The following ELOVL6 variants were observed in gnomAD, a reference collection of about 807,000 sequenced individuals.
ELOVL6 encodes the protein ELOVL fatty acid elongase 6, also known as very long chain fatty acid elongase 6.
Under a neutral mutation model 31.7 loss-of-function variants are expected in ELOVL6, and 8 were observed. The observed-to-expected ratio is 0.25, with a 90% CI of 0.15 to 0.45. The LOEUF (loss-of-function observed/expected upper bound fraction) is 0.45. Ranked by LOEUF, ELOVL6 falls within the 20% of genes least tolerant of loss-of-function variation. The pLI is 1.00. For missense variants in ELOVL6, 126 were observed against 326.4 expected, an observed-to-expected ratio of 0.39 and a Z score of 4.73; for synonymous variants, 101 against 117.7, an observed-to-expected ratio of 0.86 and a Z score of 0.92.
intron 3 of ELOVL6, among the ~76,000 whole-genome samples, chr4:110,058,832 G>A (rs1755064846): frequency 6.6e-6 from 1 of 152,098 alleles, no homozygotes; most frequent in Admixed American, 6.5e-5. Flanking sequence ...GTTTGTACCT[G>A]TACAATCTGT....
At chr4:110,107,962 G>C (rs762207804) in intron 1 of ELOVL6, among the ~76,000 whole-genome samples, 5 of 152,094 alleles carry the variant, frequency 3.3e-5, no homozygotes, top group Non-Finnish European at 7.4e-5. Context: ...TCCTGTTCTT[G>C]TGGTAAACTT....
At chr4:110,169,333 G>A (rs757490001) in intron 1 of ELOVL6, among the ~76,000 whole-genome samples, 1 of 151,088 alleles carries the variant, frequency 6.6e-6, no homozygotes, top group Non-Finnish European at 1.5e-5. Context: ...CTACCTCCTG[G>A]GTTCAAGTGA....
At chr4:110,085,553 C>G (rs1012055246) in intron 2 of ELOVL6, among the ~76,000 whole-genome samples, 3 of 152,128 alleles carry the variant, frequency 2.0e-5, no homozygotes, top group Non-Finnish European at 4.4e-5. Flanking sequence ...GTCCCAAAAG[C>G]CTTTAGTTGT....
At chr4:110,106,714 C>T (rs1342903736) in intron 1 of ELOVL6, among the ~76,000 whole-genome samples, 1 of 152,100 alleles carries the variant, frequency 6.6e-6, no homozygotes, top group African/African-American at 2.4e-5. Flanking sequence ...CTTGTGCCAA[C>T]CTCCTATGTC....
chr4:110,064,205 C>T (rs534897268), intron 2 of ELOVL6, among the ~76,000 whole-genome samples: 3 of 152,160 alleles, frequency 2.0e-5, no homozygotes, highest in African/African-American at 4.8e-5. Flanking sequence ...CGTTTCTGCT[C>T]CCTCTGCAAC....
intron 1 of ELOVL6, among the ~76,000 whole-genome samples, chr4:110,131,675 G>A (rs1757673802): frequency 6.6e-6 from 1 of 152,160 alleles, no homozygotes; most frequent in Non-Finnish European, 1.5e-5. Context: ...GGTCCTGTGG[G>A]GGTGAGGAGG....
rs142373406 is a variant in ELOVL6, at chr4:110,121,592, G to A, written c.90-15964C>T. Among the ~76,000 whole-genome samples, 2,794 of 152,138 alleles carry A rather than the reference G, an allele frequency of 0.018. 210 individuals are homozygous for A. The East Asian group carries it at 0.2, about 11-fold the overall frequency. On this transcript the variant is annotated intron_variant, in intron 1 of 3. Coordinates refer to ENST00000302274, the MANE Select transcript of ELOVL6 (RefSeq NM_024090.3). The stretch of plus-strand genomic sequence containing the variant: ...CAGACGCCTGTAGTCCCAGCTACTC[G>A]GGAGGCTGAGGCAGGAGAATGGCGT...
intron 3 of ELOVL6, among the ~76,000 whole-genome samples, chr4:110,057,342 A>C (rs1557803): frequency 6.6e-6 from 1 of 151,474 alleles, no homozygotes; most frequent in Admixed American, 6.6e-5. Flanking sequence ...AAAAAAATTG[A>C]GGGGGAAGTA....
chr4:110,084,378 T>TATATGACATACATG lies in ELOVL6; in HGVS notation c.221+21118_221+21119insCATGTATGTCATAT, dbSNP rs1231605632. On this transcript the variant is annotated intron_variant, in intron 2 of 3. Transcript: ENST00000302274. ...TATATACCGCATATATGATATATGA[T>TATATGACATACATG]ATATATCGCATATATGATATATGAT... Among the ~76,000 whole-genome samples, 10 of 46,668 alleles carry TATATGACATACATG rather than the reference T, an allele frequency of 2.1e-4. 1 individual carries two copies. Among genetic ancestry groups the TATATGACATACATG allele is most frequent in the Admixed American group, 6.6e-4 (2 of 3,050 alleles). 30.6% of individuals were successfully genotyped at this position (46,668 alleles called of 152,430 possible).
chr4:110,144,393 A>C (rs1758049481), intron 1 of ELOVL6, among the ~76,000 whole-genome samples: 1 of 152,248 alleles, frequency 6.6e-6, no homozygotes, highest in Non-Finnish European at 1.5e-5. Flanking sequence ...CCATGCTTAC[A>C]GTATATTCAC....
intron 3 of ELOVL6, among the ~76,000 whole-genome samples, chr4:110,057,129 T>G (rs1029411517): frequency 2.0e-5 from 3 of 152,198 alleles, no homozygotes; most frequent in Non-Finnish European, 4.4e-5. Flanking sequence ...TAGAAAGGAC[T>G]ATGTTTGTTC....
At chr4:110,078,219 T>G (rs1037199841) in intron 2 of ELOVL6, among the ~76,000 whole-genome samples, 5 of 152,000 alleles carry the variant, frequency 3.3e-5, no homozygotes, top group Admixed American at 6.6e-5. Context: ...ACAACATTCA[T>G]ATTCAGGAAA....
intron 2 of ELOVL6, among the ~76,000 whole-genome samples, chr4:110,090,674 A>C (rs1417655179): frequency 7.2e-6 from 1 of 138,738 alleles, no homozygotes; most frequent in Non-Finnish European, 1.5e-5. Context: ...GCATGATCTC[A>C]GCTCACTGAA....
At chr4:110,107,369 T>C (rs1292346203) in intron 1 of ELOVL6, among the ~76,000 whole-genome samples, 2 of 152,192 alleles carry the variant, frequency 1.3e-5, no homozygotes, top group Admixed American at 6.6e-5. Flanking sequence ...TCTTGTCCTA[T>C]CAAATTTTCT....
intron 1 of ELOVL6, among the ~76,000 whole-genome samples, chr4:110,145,604 A>G (rs1021042346): frequency 2.6e-5 from 4 of 152,130 alleles, no homozygotes; most frequent in African/African-American, 9.7e-5. Flanking sequence ...TACCTGGACC[A>G]CTTTTCAGCT....
At chr4:110,080,010 C>G (rs6849861) in intron 2 of ELOVL6, among the ~76,000 whole-genome samples, 84,157 of 151,884 alleles carry the variant, frequency 0.55, 24,580 homozygotes, top group African/African-American at 0.74. Context: ...ATAAATTCCT[C>G]GACACATACA....
chr4:110,092,438 C>T (rs1050492437), intron 2 of ELOVL6, among the ~76,000 whole-genome samples: 13 of 152,128 alleles, frequency 8.5e-5, no homozygotes, highest in South Asian at 6.2e-4. Flanking sequence ...TATAACCATA[C>T]GGCGGGTGAC....
intron 1 of ELOVL6, among the ~76,000 whole-genome samples, chr4:110,175,848 GATGA>G (rs556306455): frequency 2.0e-4 from 31 of 152,280 alleles, no homozygotes; most frequent in African/African-American, 6.7e-4. Flanking sequence ...AGTAACTGAT[GATGA>G]ATGATAGATT....
rs182182570 is a variant in ELOVL6 at position 110,116,677 on chromosome 4, A to G, written c.90-11049T>C. Reference sequence around the variant, plus strand: ...AACAAAGGTTACTTGGTTTGTAACCATTCTCTTAATCCCAATCTTAAAATA... The same window carrying G: ...AACAAAGGTTACTTGGTTTGTAACCGTTCTCTTAATCCCAATCTTAAAATA... On this transcript the variant is annotated intron_variant, in intron 1 of 3. Transcript: ENST00000302274. 3.1e-4 allele frequency among the ~76,000 whole-genome samples: 47 copies of G among 152,340 alleles called. No homozygotes were observed. In the East Asian group the frequency reaches 8.1e-3, roughly 26 times the overall value.
Sources: gnomAD v4.1 joint callset for allele counts (sites outside exome capture counted in the v4.1 genomes callset) on GRCh38, gnomAD v4.1.1 for gene constraint, MANE v1.5 for transcripts, NCBI Gene and HGNC (gene_info 2026-07-23, HGNC 2026-07-21) for gene names.